CDH13: variants seen among roughly 807,000 people sequenced by gnomAD.
The protein encoded by CDH13 is cadherin 13, also known as cadherin-13.
CDH13 carries 24 observed loss-of-function variants against 63.8 expected under a neutral mutation model. The ratio of observed to expected loss-of-function variants is 0.38; its 90% CI spans 0.27 to 0.53. The LOEUF is 0.53. CDH13 is among the 20% of genes least tolerant of loss of function. The pLI, the probability that CDH13 is intolerant of heterozygous loss-of-function variation, is 0.85. For missense variants in CDH13, 1,049 were observed against 903.1 expected, an observed-to-expected ratio of 1.16 and a Z score of -2.07; for synonymous variants, 503 against 355.3, an observed-to-expected ratio of 1.42 and a Z score of -4.67.
chr16:82,748,535 T>C (rs1008101718), intron 1 of CDH13, among the ~76,000 whole-genome samples: 2 of 152,140 alleles, frequency 1.3e-5, no homozygotes, highest in Non-Finnish European at 2.9e-5. Flanking sequence ...GTGGTGGTTG[T>C]GGTGGTTTTG....
chr16:83,515,111 G>C (rs757420225), intron 7 of CDH13, among the ~76,000 whole-genome samples: 1 of 152,082 alleles, frequency 6.6e-6, no homozygotes, highest in African/African-American at 2.4e-5. Context: ...TAGGTCTGCT[G>C]GGTTCAGGTT....
At chr16:83,504,278 G>C (rs1423831368) in intron 7 of CDH13, among the ~76,000 whole-genome samples, 1 of 152,144 alleles carries the variant, frequency 6.6e-6, no homozygotes, top group African/African-American at 2.4e-5. Flanking sequence ...ACAACCTCCA[G>C]CCCCTCCACA....
At chr16:82,871,725 G>T (rs2040347575) in intron 2 of CDH13, among the ~76,000 whole-genome samples, 2 of 152,134 alleles carry the variant, frequency 1.3e-5, no homozygotes, top group Admixed American at 1.3e-4. Flanking sequence ...TTCACAGTGT[G>T]AGTTGGCTTT....
At chr16:83,485,766 C>T (rs2073872138) in intron 6 of CDH13, among the ~76,000 whole-genome samples, 1 of 152,120 alleles carries the variant, frequency 6.6e-6, no homozygotes, top group South Asian at 2.1e-4. Flanking sequence ...TTTCTGAGCT[C>T]CTGCACACCC....
intron 2 of CDH13, among the ~76,000 whole-genome samples, chr16:82,937,253 A>G (rs950024540): frequency 1.3e-5 from 2 of 152,278 alleles, no homozygotes; most frequent in East Asian, 1.9e-4. Flanking sequence ...CCTCACAGAT[A>G]TACATAAACA....
chr16:82,823,281 G>A (rs933266594), intron 1 of CDH13: 5 of 152,090 alleles, frequency 3.3e-5, no homozygotes, highest in African/African-American at 1.2e-4. Flanking sequence ...ACCTCCTAGT[G>A]AGAAGATGAT....
chr16:83,682,920 C>G (rs1011391794), intron 10 of CDH13, among the ~76,000 whole-genome samples: 4 of 152,210 alleles, frequency 2.6e-5, no homozygotes, highest in Non-Finnish European at 4.4e-5. Context: ...ACATGGGAAG[C>G]CTTCTCCCCA....
chr16:83,217,018 G>GA (rs923264818), intron 4 of CDH13, among the ~76,000 whole-genome samples: 3 of 151,486 alleles, frequency 2.0e-5, no homozygotes, highest in African/African-American at 7.3e-5. Flanking sequence ...ATATTTTTTT[G>GA]AAAAAAATAT....
At chr16:82,967,397 A>G (rs879260356) in intron 2 of CDH13, among the ~76,000 whole-genome samples, 2 of 152,198 alleles carry the variant, frequency 1.3e-5, no homozygotes, top group Non-Finnish European at 2.9e-5. Flanking sequence ...ATTAGGGTGT[A>G]TGCTCCCTGG....
At chr16:83,431,428 A>G (rs1406742054) in intron 6 of CDH13, among the ~76,000 whole-genome samples, 2 of 151,964 alleles carry the variant, frequency 1.3e-5, no homozygotes, top group Non-Finnish European at 2.9e-5. Context: ...GAGGAAACAG[A>G]GCAGAAGTCA....
chr16:83,191,044 G>C (rs558568448), intron 4 of CDH13, among the ~76,000 whole-genome samples: 1 of 151,664 alleles, frequency 6.6e-6, no homozygotes, highest in African/African-American at 2.4e-5. Context: ...GCTTTATGTA[G>C]TGATTCCGAG....
chr16:83,173,042 G>C (rs1200137568), intron 4 of CDH13, among the ~76,000 whole-genome samples: 1 of 152,116 alleles, frequency 6.6e-6, no homozygotes, highest in Non-Finnish European at 1.5e-5. Context: ...GCTGGGAAAG[G>C]TACTTGGCAC....
At chr16:83,037,512 C>T (rs184473339) in intron 3 of CDH13, among the ~76,000 whole-genome samples, 357 of 152,226 alleles carry the variant, frequency 2.3e-3, no homozygotes, top group African/African-American at 8.3e-3. Context: ...GAAGAAAGAG[C>T]CAGGATCCCG....
At chr16:82,696,464 T>C (rs985930860) in intron 1 of CDH13, among the ~76,000 whole-genome samples, 31 of 152,226 alleles carry the variant, frequency 2.0e-4, no homozygotes, top group African/African-American at 7.5e-4. Context: ...ACAAGGTCTT[T>C]GACATGGCAA....
intron 2 of CDH13, among the ~76,000 whole-genome samples, chr16:82,864,190 G>C (rs891707733): frequency 1.3e-5 from 2 of 152,138 alleles, no homozygotes; most frequent in Non-Finnish European, 2.9e-5. Flanking sequence ...CTTTTCTGAA[G>C]TTTTAATATG....
chr16:83,238,424 C>A (rs1370279218), intron 5 of CDH13, among the ~76,000 whole-genome samples: 1 of 152,126 alleles, frequency 6.6e-6, no homozygotes, highest in Admixed American at 6.5e-5. Context: ...AAGACCCACC[C>A]CCATGATTCA....
At chr16:82,787,578 C>T (rs1002653877) in intron 1 of CDH13, among the ~76,000 whole-genome samples, 3 of 152,146 alleles carry the variant, frequency 2.0e-5, no homozygotes, top group Admixed American at 2.0e-4. Flanking sequence ...GTATGCTAGA[C>T]ATATGCATCA....
At chr16:82,872,648 A>T (rs1445160075) in intron 2 of CDH13, among the ~76,000 whole-genome samples, 4 of 152,178 alleles carry the variant, frequency 2.6e-5, no homozygotes, top group Non-Finnish European at 2.9e-5. Context: ...CTTAATGTTG[A>T]TGGAAATTTT....
chr16:83,300,489 T>C (rs772871489), intron 5 of CDH13, among the ~76,000 whole-genome samples: 2 of 152,252 alleles, frequency 1.3e-5, no homozygotes, highest in African/African-American at 4.8e-5. Flanking sequence ...AACTGAGACC[T>C]GACAAGTTAC....
Sources: allele counts gnomAD v4.1 joint callset (sites outside exome capture counted in the v4.1 genomes callset), GRCh38; gene constraint gnomAD v4.1.1; transcripts MANE v1.5; gene names NCBI Gene and HGNC (gene_info 2026-07-23, HGNC 2026-07-21).